The following CNTNAP4 variants were observed in gnomAD, a reference collection of about 807,000 sequenced individuals.
The protein encoded by CNTNAP4 is contactin-associated protein-like 4.
Under a neutral mutation model 148.4 loss-of-function variants are expected in CNTNAP4, and 98 were observed. The ratio of observed to expected loss-of-function variants is 0.66; its 90% CI spans 0.56 to 0.78. The LOEUF (loss-of-function observed/expected upper bound fraction) is 0.78, where lower values mean the gene tolerates loss of function less well. Among genes scored for constraint, CNTNAP4 ranks in the 30% least tolerant of loss-of-function variants. The pLI is 0.00. For missense variants in CNTNAP4, 1,935 were observed against 1,565.6 expected, an observed-to-expected ratio of 1.24 and a Z score of -3.98; for synonymous variants, 730 against 565.1, an observed-to-expected ratio of 1.29 and a Z score of -4.14.
chr16:76,448,139 C>G lies in CNTNAP4; in HGVS notation c.666C>G (p.Leu222=), dbSNP rs747520615. ...FKTMQSDGIL[L]HREGPNGDHI... is the part of the protein sequence containing the mutation. Reference sequence around the variant, plus strand: ...CCATGCAGAGTGATGGGATTCTACTCCACAGGGAAGGGCCAAATGGAGATC... The same window carrying G: ...CCATGCAGAGTGATGGGATTCTACTGCACAGGGAAGGGCCAAATGGAGATC... The change falls in exon 5 of 24, where the codon CTC becomes CTG. Residue 222 remains leucine, a synonymous_variant. Coordinates refer to ENST00000611870, the MANE Select transcript of CNTNAP4 (RefSeq NM_033401.5). The G allele has an allele frequency of 2.0e-5, 33 of 1,613,410 alleles. No homozygotes were observed. In the South Asian group the frequency reaches 3.6e-4, roughly 18 times the overall value.
Position 76,360,122 on chromosome 16 carries a change from T to G in CNTNAP4, c.390+4611T>G, listed in dbSNP as rs74026734. Reference sequence around the variant, plus strand: ...TTGATTTTTCAAACAAAAACCTTTATTGCCTATATGAAGTTAGTATCTCTT... The same window carrying G: ...TTGATTTTTCAAACAAAAACCTTTAGTGCCTATATGAAGTTAGTATCTCTT... On this transcript the variant is annotated intron_variant, in intron 3 of 23. Coordinates refer to ENST00000611870, the MANE Select transcript of CNTNAP4 (RefSeq NM_033401.5). 3.5e-3 allele frequency among the ~76,000 whole-genome samples: 540 copies of G among 152,332 alleles called. 3 individuals are homozygous for G. The highest frequency in any genetic ancestry group is 0.012 in the African/African-American group (511 of 41,584).
Position 76,391,531 on chromosome 16 carries a change from A to G in CNTNAP4, c.391-35921A>G, listed in dbSNP as rs113991932. On this transcript the variant is annotated intron_variant, in intron 3 of 23. Coordinates refer to ENST00000611870, the MANE Select transcript of CNTNAP4 (RefSeq NM_033401.5). ...AGATCTGGCTGGCATTTTATGCTCA[A>G]CCAGGTTGTCTTGTATGCTATTCAA... Among the ~76,000 whole-genome samples, 607 of 152,304 alleles carry G rather than the reference A, an allele frequency of 4.0e-3. 2 individuals carry two copies. Among genetic ancestry groups the G allele is most frequent in the Non-Finnish European group, 6.4e-3 (436 of 68,024 alleles).
intron 1 of CNTNAP4, among the ~76,000 whole-genome samples, chr16:76,305,606 T>C (rs1960399182): frequency 6.6e-6 from 1 of 152,212 alleles, no homozygotes; most frequent in South Asian, 2.1e-4. Flanking sequence ...GAAGTGGGTT[T>C]ACTTGGCTTA....
chr16:76,535,043 A>G (rs1452278166), intron 17 of CNTNAP4, among the ~76,000 whole-genome samples: 2 of 152,220 alleles, frequency 1.3e-5, no homozygotes, highest in East Asian at 1.9e-4. Context: ...CTGACATTCA[A>G]TTACCATCTT....
Position 76,424,785 on chromosome 16 carries a change from C to T in CNTNAP4, c.391-2667C>T, listed in dbSNP as rs559694119. Among the ~76,000 whole-genome samples, 10 of 150,670 alleles carry T rather than the reference C, an allele frequency of 6.6e-5. No individual in the cohort carries two copies. The East Asian group carries it at 7.8e-4, about 12-fold the overall frequency. On this transcript the variant is annotated intron_variant, in intron 3 of 23. Transcript: ENST00000611870. ...AAAAACAAAAACAAAAACAAAAAGA[C>T]GTAAGCTTACACATACACACACCCA... is the stretch of plus-strand genomic sequence containing the variant.
intron 15 of CNTNAP4, among the ~76,000 whole-genome samples, chr16:76,504,891 C>G (rs1033601369): frequency 6.6e-6 from 1 of 152,034 alleles, no homozygotes; most frequent in African/African-American, 2.4e-5. Flanking sequence ...AATGCAAACT[C>G]GTACCACAAT....
intron 2 of CNTNAP4, among the ~76,000 whole-genome samples, chr16:76,345,160 G>A (rs1053657241): frequency 6.6e-6 from 1 of 152,146 alleles, no homozygotes; most frequent in Non-Finnish European, 1.5e-5. Flanking sequence ...AGCTGGCTGT[G>A]ACTTTCTTTT....
chr16:76,324,621 G>A (rs1393471519), intron 2 of CNTNAP4, among the ~76,000 whole-genome samples: 1 of 152,172 alleles, frequency 6.6e-6, no homozygotes, highest in Non-Finnish European at 1.5e-5. Context: ...TGACGGTAGA[G>A]TCTAGCATGG....
intron 3 of CNTNAP4, among the ~76,000 whole-genome samples, chr16:76,401,651 G>T (rs1459370747): frequency 6.6e-6 from 1 of 152,088 alleles, no homozygotes; most frequent in Admixed American, 6.6e-5. Context: ...TCCAGCTATG[G>T]CCCATTCACT....
At chr16:76,285,970 G>C (rs1958864119) in intron 1 of CNTNAP4, among the ~76,000 whole-genome samples, 1 of 151,910 alleles carries the variant, frequency 6.6e-6, no homozygotes, top group Non-Finnish European at 1.5e-5. Context: ...TGGAAAATCT[G>C]AGAAAGTCAA....
chr16:76,277,465 G>C lies in CNTNAP4; in HGVS notation c.-198G>C. On this transcript the variant is annotated 5_prime_UTR_variant, in exon 1 of 24. Transcript: ENST00000611870. The stretch of plus-strand genomic sequence containing the variant: ...AGAGAGAAAAGAGAGAGACAGAGAC[G>C]GGGAGAGAGAGAGGGAGAGAGAAGA... 1 of 558,838 alleles carries C rather than the reference G, an allele frequency of 1.8e-6. No homozygotes were observed. The allele number at this position is 558,838 out of a possible 1,614,324, so 34.6% of individuals were successfully genotyped here.
At chr16:76,284,106 G>A (rs1470432463) in intron 1 of CNTNAP4, among the ~76,000 whole-genome samples, 3 of 151,728 alleles carry the variant, frequency 2.0e-5, no homozygotes, top group Admixed American at 6.6e-5. Flanking sequence ...CTCAACTTTA[G>A]AATTTATCTA....
intron 15 of CNTNAP4, among the ~76,000 whole-genome samples, chr16:76,517,727 A>G (rs1247591959): frequency 6.6e-6 from 1 of 152,186 alleles, no homozygotes; most frequent in Non-Finnish European, 1.5e-5. Context: ...AATGGCTTTT[A>G]GTATATCTAC....
At chr16:76,283,411 A>C (rs1458046254) in intron 1 of CNTNAP4, among the ~76,000 whole-genome samples, 1 of 152,008 alleles carries the variant, frequency 6.6e-6, no homozygotes, top group Non-Finnish European at 1.5e-5. Context: ...AATCAACCTA[A>C]GTGCCCATTA....
chr16:76,398,939 G>C (rs1054692160), intron 3 of CNTNAP4, among the ~76,000 whole-genome samples: 3 of 152,182 alleles, frequency 2.0e-5, no homozygotes, highest in South Asian at 2.1e-4. Context: ...TGTGTCAAGG[G>C]GGGGTCCAGG....
intron 8 of CNTNAP4, among the ~76,000 whole-genome samples, chr16:76,453,713 C>T (rs567306024): frequency 3.9e-5 from 6 of 151,932 alleles, no homozygotes; most frequent in African/African-American, 7.2e-5. Context: ...AAATTAAATA[C>T]GAGAAAACAA....
At chr16:76,339,159 AG>A (rs1274159559) in intron 2 of CNTNAP4, among the ~76,000 whole-genome samples, 1 of 151,250 alleles carries the variant, frequency 6.6e-6, no homozygotes, top group Non-Finnish European at 1.5e-5. Context: ...TTGCTATGAA[AG>A]GTGGCATTTA....
At chr16:76,405,060 C>T (rs1424383677) in intron 3 of CNTNAP4, among the ~76,000 whole-genome samples, 2 of 152,014 alleles carry the variant, frequency 1.3e-5, no homozygotes, top group Non-Finnish European at 2.9e-5. Flanking sequence ...ATGATAAATG[C>T]ATGTATTTCA....
chr16:76,544,759 C>G (rs1057277870), intron 21 of CNTNAP4, among the ~76,000 whole-genome samples: 3 of 152,122 alleles, frequency 2.0e-5, no homozygotes, highest in Non-Finnish European at 2.9e-5. Context: ...TTCACTCTTT[C>G]TCAGCATATA....
Sources: gnomAD v4.1 joint callset for allele counts (sites outside exome capture counted in the v4.1 genomes callset) on GRCh38, gnomAD v4.1.1 for gene constraint, MANE v1.5 for transcripts, NCBI Gene and HGNC (gene_info 2026-07-23, HGNC 2026-07-21) for gene names.